CEP120: variants seen among roughly 807,000 people sequenced by gnomAD.
The protein encoded by CEP120 is centrosomal protein of 120 kDa.
CEP120 carries 113 observed loss-of-function variants against 126.5 expected under a neutral mutation model. That is an observed-to-expected ratio of 0.89 (90% CI 0.77 to 1.04). CEP120 has a LOEUF of 1.04. Ranked by LOEUF, CEP120 falls within the 50% of genes least tolerant of loss-of-function variation. The probability of loss-of-function intolerance (pLI) is 0.00; values close to 1 mark genes in which losing one functional copy is unlikely to be tolerated. For synonymous variants in CEP120, 400 were observed against 394.3 expected, an observed-to-expected ratio of 1.01 and a Z score of -0.17; for missense variants, 1,230 against 1,155.7, an observed-to-expected ratio of 1.06 and a Z score of -0.93.
chr5:123,348,077 G>A (rs548260750), intron 19 of CEP120, among the ~76,000 whole-genome samples: 6 of 152,144 alleles, frequency 3.9e-5, no homozygotes, highest in Non-Finnish European at 7.4e-5. Flanking sequence ...CTGACTCTTC[G>A]GTAGCCAAAT....
chr5:123,386,067 A>AT lies in CEP120; in HGVS notation c.1580+450dup, dbSNP rs532271986. On this transcript the variant is annotated intron_variant, in intron 10 of 19. Transcript: ENST00000306467. ...GTAAAAGGTGTTTCGCAGATCTCAG[A>AT]TTTTTTCATGAATCCATTTCAGATA... 2.0e-5 allele frequency among the ~76,000 whole-genome samples: 3 copies of AT among 152,226 alleles called. No homozygotes were observed. The East Asian group carries it at 5.8e-4, about 29-fold the overall frequency.
chr5:123,376,228 G>A (rs1580671878), intron 16 of CEP120, among the ~76,000 whole-genome samples: 1 of 152,080 alleles, frequency 6.6e-6, no homozygotes, highest in East Asian at 1.9e-4. Flanking sequence ...CTAGACTTGA[G>A]GAGGATGAAT....
intron 19 of CEP120, among the ~76,000 whole-genome samples, chr5:123,348,131 A>T (rs534520313): frequency 1.3e-5 from 2 of 152,168 alleles, no homozygotes; most frequent in Non-Finnish European, 2.9e-5. Context: ...AGGCTTCTTC[A>T]CATGAACTGT....
At chr5:123,365,334 T>A (rs1014838627) in intron 17 of CEP120, among the ~76,000 whole-genome samples, 1 of 151,732 alleles carries the variant, frequency 6.6e-6, no homozygotes, top group Non-Finnish European at 1.5e-5. Flanking sequence ...TGTTTTGGAA[T>A]GTACTCAGTG....
At position 123,423,133 on chromosome 5, in the gene CEP120, G is replaced by A; in HGVS notation, c.-135C>T. 2 of 718,784 alleles carry A rather than the reference G, an allele frequency of 2.8e-6. No individual in the cohort carries two copies. The allele number at this position is 718,784 out of a possible 1,614,324, so 44.5% of individuals were successfully genotyped here. On this transcript the variant is annotated 5_prime_UTR_variant, in exon 1 of 20. Transcript: ENST00000306467. ...CCTGATGCCCGGACCCCGCTCCGCA[G>A]CCAGGTCCCACCGCCGTCTGCTGCA... is the stretch of plus-strand genomic sequence containing the variant.
rs138939970 is a variant in CEP120, at chr5:123,403,896, CT to C, written c.464-4613del. Reference sequence around the variant, plus strand: ...CAGATATAACAATTCAATGTAACATCTAATTCTAAACTAAATCCTTTTCCTA... The same window carrying C: ...CAGATATAACAATTCAATGTAACATCAATTCTAAACTAAATCCTTTTCCTA... On this transcript the variant is annotated intron_variant, in intron 4 of 19. Coordinates refer to ENST00000306467, the MANE Select transcript of CEP120 (RefSeq NM_001375405.1). 3.3e-3 allele frequency among the ~76,000 whole-genome samples: 506 copies of C among 152,266 alleles called. 3 individuals are homozygous for C. Among genetic ancestry groups the C allele is most frequent in the African/African-American group, 0.011 (477 of 41,538 alleles).
chr5:123,389,587 A>AC (rs1263250840), intron 8 of CEP120, among the ~76,000 whole-genome samples: 2 of 151,806 alleles, frequency 1.3e-5, no homozygotes, highest in African/African-American at 4.8e-5. Context: ...CACAACCTCC[A>AC]CCTCCTGGGT....
chr5:123,384,799 G>A (rs1194458512), intron 11 of CEP120, 152 bp downstream of exon 11: 39 of 643,338 alleles, frequency 6.1e-5, no homozygotes, highest in African/African-American at 1.9e-5. Flanking sequence ...AGCTGCCACA[G>A]GTCAGAGAAG....
chr5:123,369,501 T>C (rs893125498), intron 17 of CEP120, among the ~76,000 whole-genome samples: 1 of 152,052 alleles, frequency 6.6e-6, no homozygotes, highest in Admixed American at 6.6e-5. Context: ...GCCCATACTT[T>C]GAACCTCATC....
chr5:123,410,865 T>C (rs1395302732), intron 4 of CEP120, among the ~76,000 whole-genome samples: 1 of 152,170 alleles, frequency 6.6e-6, no homozygotes, highest in East Asian at 1.9e-4. Flanking sequence ...ACTTCTGCTC[T>C]GGGAAAGACA....
intron 4 of CEP120, among the ~76,000 whole-genome samples, chr5:123,402,497 GC>G (rs1032920683): frequency 4.0e-5 from 6 of 151,884 alleles, no homozygotes; most frequent in East Asian, 3.9e-4. Context: ...TGCAACCTCT[GC>G]CCCCCCGGAT....
chr5:123,380,484 C>T (rs1771561091), intron 14 of CEP120, among the ~76,000 whole-genome samples: 1 of 151,964 alleles, frequency 6.6e-6, no homozygotes, highest in Admixed American at 6.6e-5. Flanking sequence ...TCATTTCAGG[C>T]TGAAAGGGTA....
intron 5 of CEP120, among the ~76,000 whole-genome samples, chr5:123,398,278 A>G (rs928764040): frequency 3.3e-5 from 5 of 152,208 alleles, no homozygotes; most frequent in Non-Finnish European, 7.3e-5. Context: ...GGACAGTGGA[A>G]TAACAGCTAG....
At chr5:123,357,910 A>AATT (rs1352417742) in intron 18 of CEP120, among the ~76,000 whole-genome samples, 29 of 152,300 alleles carry the variant, frequency 1.9e-4, no homozygotes, top group Middle Eastern at 3.4e-3. Flanking sequence ...GGACAAGAAC[A>AATT]ATTATATGCT....
chr5:123,421,960 T>G (rs988237732), intron 1 of CEP120, among the ~76,000 whole-genome samples: 1 of 152,088 alleles, frequency 6.6e-6, no homozygotes, highest in African/African-American at 2.4e-5. Context: ...CACTCTCCCA[T>G]GGGGGAAAAA....
intron 19 of CEP120, among the ~76,000 whole-genome samples, chr5:123,348,896 C>T (rs571542758): frequency 6.6e-6 from 1 of 152,204 alleles, no homozygotes; most frequent in South Asian, 2.1e-4. Context: ...ACACTGGCAC[C>T]GTGATCTTTG....
chr5:123,420,487 A>G (rs2127145388), intron 1 of CEP120, among the ~76,000 whole-genome samples: 1 of 152,346 alleles, frequency 6.6e-6, no homozygotes, highest in Non-Finnish European at 1.5e-5. Flanking sequence ...TAGTCCCCCG[A>G]GTCCTCCACC....
At chr5:123,382,379 G>C (rs1458591579) in intron 13 of CEP120, among the ~76,000 whole-genome samples, 179 bp from the exon 14 acceptor site, 1 of 148,222 alleles carries the variant, frequency 6.7e-6, no homozygotes, top group Admixed American at 6.7e-5. Flanking sequence ...GCCCATTTGA[G>C]TTCACTTCAG....
intron 16 of CEP120, among the ~76,000 whole-genome samples, chr5:123,375,950 G>A (rs975240583): frequency 6.6e-6 from 1 of 151,210 alleles, no homozygotes; most frequent in Non-Finnish European, 1.5e-5. Context: ...ATCTACATTG[G>A]AATTTTTCAA....
Sources: allele counts gnomAD v4.1 joint callset (sites outside exome capture counted in the v4.1 genomes callset), GRCh38; gene constraint gnomAD v4.1.1; transcripts MANE v1.5; gene names NCBI Gene and HGNC (gene_info 2026-07-23, HGNC 2026-07-21).